Variants in LSAMP observed in about 807,000 individuals in gnomAD.
LSAMP encodes limbic system associated membrane protein.
In LSAMP, 7 loss-of-function variants were observed where a neutral mutation model predicts 38.6. The ratio of observed to expected loss-of-function variants is 0.18; its 90% CI spans 0.10 to 0.34. LSAMP has a LOEUF of 0.34. Among genes scored for constraint, LSAMP ranks in the 10% least tolerant of loss-of-function variants. The probability of loss-of-function intolerance (pLI) is 1.00; values close to 1 mark genes in which losing one functional copy is unlikely to be tolerated. For synonymous variants in LSAMP, 154 were observed against 166.8 expected (o/e 0.92, Z 0.59); for missense variants, 313 against 420.0 (o/e 0.75, Z 2.23).
intron 3 of LSAMP, among the ~76,000 whole-genome samples, chr3:115,960,985 C>T (rs1938607252): frequency 1.3e-5 from 2 of 152,292 alleles, no homozygotes; most frequent in South Asian, 4.1e-4. Context: ...CATCCTCCCA[C>T]ACGCCCAACT....
chr3:116,217,481 T>C (rs2046234826), intron 1 of LSAMP, among the ~76,000 whole-genome samples: 1 of 152,240 alleles, frequency 6.6e-6, no homozygotes, highest in African/African-American at 2.4e-5. Context: ...TTGCATTCAT[T>C]TCTTCCAAAT....
chr3:116,358,757 C>A (rs573129156), intron 1 of LSAMP, among the ~76,000 whole-genome samples: 11 of 152,144 alleles, frequency 7.2e-5, no homozygotes, highest in Admixed American at 5.2e-4. Context: ...GTGAGTCACT[C>A]AAATATCATA....
At chr3:116,184,053 C>T (rs1054804003) in intron 1 of LSAMP, among the ~76,000 whole-genome samples, 1 of 151,586 alleles carries the variant, frequency 6.6e-6, no homozygotes, top group African/African-American at 2.4e-5. Flanking sequence ...AGTACAGATA[C>T]GAAAGTTGAA....
At chr3:115,939,136 T>C (rs1937808815) in intron 3 of LSAMP, among the ~76,000 whole-genome samples, 1 of 152,182 alleles carries the variant, frequency 6.6e-6, no homozygotes, top group Non-Finnish European at 1.5e-5. Context: ...TTATTGTATA[T>C]GAGTAGAAAA....
chr3:116,029,325 T>C (rs9863087), intron 2 of LSAMP, among the ~76,000 whole-genome samples: 68,970 of 151,926 alleles, frequency 0.45, 16,946 homozygotes, highest in African/African-American at 0.65. Flanking sequence ...CACATTTTAC[T>C]GGAACATGAT....
At chr3:116,060,912 TAAAA>T (rs1211605532) in intron 2 of LSAMP, among the ~76,000 whole-genome samples, 1 of 150,274 alleles carries the variant, frequency 6.7e-6, no homozygotes, top group African/African-American at 2.5e-5. Context: ...GAGAAATAAA[TAAAA>T]TAAAATAAAA....
chr3:116,183,465 G>T (rs942230548), intron 1 of LSAMP, among the ~76,000 whole-genome samples: 12 of 151,854 alleles, frequency 7.9e-5, no homozygotes, highest in African/African-American at 2.7e-4. Context: ...GCAGTGTTAT[G>T]GGTTAGTTAG....
intron 3 of LSAMP, among the ~76,000 whole-genome samples, chr3:115,994,836 T>C (rs928837825): frequency 6.6e-6 from 1 of 152,042 alleles, no homozygotes; most frequent in Non-Finnish European, 1.5e-5. Flanking sequence ...TCTACATGGA[T>C]AGAGATTTGG....
intron 3 of LSAMP, among the ~76,000 whole-genome samples, chr3:115,938,293 C>A (rs1022264684): frequency 1.3e-5 from 2 of 152,114 alleles, no homozygotes; most frequent in African/African-American, 4.8e-5. Flanking sequence ...ATAAATACAT[C>A]ATTGTACACT....
chr3:116,432,815 G>T (rs1029257605), intron 1 of LSAMP, among the ~76,000 whole-genome samples: 2 of 152,068 alleles, frequency 1.3e-5, no homozygotes, highest in Non-Finnish European at 2.9e-5. Flanking sequence ...GTAATATCTT[G>T]TAGTCTTTAA....
Position 115,841,845 on chromosome 3 carries a change from T to C in LSAMP, c.919A>G (p.Arg307Gly). 2 of 1,599,104 alleles carry C rather than the reference T, an allele frequency of 1.3e-6. No individual in the cohort carries two copies. The highest frequency in any genetic ancestry group is 1.7e-6 in the Non-Finnish European group (2 of 1,174,382). The stretch of plus-strand genomic sequence containing the variant: ...TTGGGCCCTGCTTTGGCATACTTAC[T>C]GAAAAGGACTAGGCTGGCATTGGTG... ...GVTNASLVLF[R>G]PGSVRGINGS... Residue 307 changes from arginine (R) to glycine (G), a missense_variant and splice_region_variant, in exon 6 of 7, where the codon AGA becomes GGA. Coordinates refer to ENST00000490035, the MANE Select transcript of LSAMP (RefSeq NM_002338.5).
chr3:115,969,176 A>C (rs1295315380), intron 3 of LSAMP, among the ~76,000 whole-genome samples: 5 of 152,204 alleles, frequency 3.3e-5, no homozygotes, highest in Non-Finnish European at 5.9e-5. Context: ...GGTTCTTATA[A>C]AGGTGCTTTC....
At chr3:116,196,803 G>T (rs568310739) in intron 1 of LSAMP, among the ~76,000 whole-genome samples, 2 of 151,946 alleles carry the variant, frequency 1.3e-5, no homozygotes, top group African/African-American at 4.8e-5. Context: ...TACTTTCTGG[G>T]GCCCTTTCCT....
chr3:116,408,679 T>G (rs2048930652), intron 1 of LSAMP, among the ~76,000 whole-genome samples: 1 of 152,084 alleles, frequency 6.6e-6, no homozygotes. Flanking sequence ...CTAGAGAGAT[T>G]GCACAATATC....
chr3:116,033,246 A>G (rs1471281356), intron 2 of LSAMP, among the ~76,000 whole-genome samples: 1 of 152,044 alleles, frequency 6.6e-6, no homozygotes, highest in Non-Finnish European at 1.5e-5. Flanking sequence ...TTAAAACTCA[A>G]GAAGGGGGGC....
intron 3 of LSAMP, among the ~76,000 whole-genome samples, chr3:115,918,922 A>T (rs1937318797): frequency 6.6e-6 from 1 of 152,124 alleles, no homozygotes; most frequent in African/African-American, 2.4e-5. Context: ...TATGAAATAG[A>T]GGCTAAATGA....
chr3:116,107,666 G>A lies in LSAMP; in HGVS notation c.156-21110C>T, dbSNP rs186619670. 1.0e-3 allele frequency among the ~76,000 whole-genome samples: 159 copies of A among 152,306 alleles called. 1 individual carries two copies. Among genetic ancestry groups the A allele is most frequent in the African/African-American group, 3.7e-3 (155 of 41,562 alleles). On this transcript the variant is annotated intron_variant, in intron 1 of 6. Transcript: ENST00000490035. ...AAATTTGGGCTTGACTGAAGTAATG[G>A]GGTCTGTCTGTGAAGCCTTGCGGCA... is the stretch of plus-strand genomic sequence containing the variant.
At chr3:116,031,275 C>A (rs541339962) in intron 2 of LSAMP, among the ~76,000 whole-genome samples, 1 of 151,898 alleles carries the variant, frequency 6.6e-6, no homozygotes, top group African/African-American at 2.4e-5. Flanking sequence ...AGACATTGTG[C>A]CAGGCATGAG....
At chr3:116,214,246 C>T (rs1341646842) in intron 1 of LSAMP, among the ~76,000 whole-genome samples, 1 of 152,098 alleles carries the variant, frequency 6.6e-6, no homozygotes, top group Admixed American at 6.5e-5. Context: ...TGTTTACTTT[C>T]TAAAAAGGCT....
Sources: allele counts gnomAD v4.1 joint callset (sites outside exome capture counted in the v4.1 genomes callset), GRCh38; gene constraint gnomAD v4.1.1; transcripts MANE v1.5; gene names NCBI Gene and HGNC (gene_info 2026-07-23, HGNC 2026-07-21).